SORCS3: variants seen among roughly 807,000 people sequenced by gnomAD.
SORCS3 encodes the protein sortilin related VPS10 domain containing receptor 3, also known as VPS10 domain-containing receptor SorCS3.
SORCS3 carries 57 observed loss-of-function variants against 146.3 expected under a neutral mutation model. The observed-to-expected ratio is 0.39, with a 90% CI of 0.31 to 0.49. The LOEUF (loss-of-function observed/expected upper bound fraction) is 0.49, where lower values mean the gene tolerates loss of function less well. Ranked by LOEUF, SORCS3 falls within the 20% of genes least tolerant of loss-of-function variation. The probability of loss-of-function intolerance (pLI) is 0.92; values close to 1 mark genes in which losing one functional copy is unlikely to be tolerated. For missense variants in SORCS3, 1,341 were observed against 1,575.5 expected, an observed-to-expected ratio of 0.85 and a Z score of 2.52; for synonymous variants, 653 against 618.5, an observed-to-expected ratio of 1.06 and a Z score of -0.83.
intron 4 of SORCS3, among the ~76,000 whole-genome samples, chr10:104,989,107 G>T (rs145101911): frequency 1.3e-5 from 2 of 152,336 alleles, no homozygotes; most frequent in Non-Finnish European, 2.9e-5. Context: ...TGAAGTATTT[G>T]TATTGCTGCG....
chr10:105,223,939 G>A (rs957134982), intron 20 of SORCS3, among the ~76,000 whole-genome samples: 16 of 152,160 alleles, frequency 1.1e-4, no homozygotes, highest in African/African-American at 3.6e-4. Flanking sequence ...TCATTTTTGA[G>A]GAGTTGTAAG....
chr10:104,985,018 G>A (rs1435635878), intron 4 of SORCS3, among the ~76,000 whole-genome samples: 4 of 152,144 alleles, frequency 2.6e-5, no homozygotes, highest in African/African-American at 9.7e-5. Context: ...TGGGGTGGCT[G>A]TGGTGATTTC....
chr10:105,005,769 T>A (rs933418882), intron 4 of SORCS3, among the ~76,000 whole-genome samples: 1 of 152,134 alleles, frequency 6.6e-6, no homozygotes, highest in African/African-American at 2.4e-5. Context: ...TACCACTTAT[T>A]TGTCCTAATT....
At chr10:104,837,896 A>T (rs1460714913) in intron 1 of SORCS3, among the ~76,000 whole-genome samples, 1 of 152,190 alleles carries the variant, frequency 6.6e-6, no homozygotes, top group African/African-American at 2.4e-5. Flanking sequence ...ATCACGTTAG[A>T]GCAGAACAAG....
At chr10:105,219,188 A>T (rs750295617) in intron 19 of SORCS3, among the ~76,000 whole-genome samples, 1 of 152,180 alleles carries the variant, frequency 6.6e-6, no homozygotes, top group Non-Finnish European at 1.5e-5. Flanking sequence ...ACTATGATTC[A>T]TTACAGCGAA....
In SORCS3 at chr10:105,187,923, A is replaced by G. The variant is rs531535643; in HGVS notation, c.2009+9750A>G. 3.3e-5 allele frequency among the ~76,000 whole-genome samples: 5 copies of G among 152,258 alleles called. No individual in the cohort carries two copies. In the East Asian group the frequency reaches 9.6e-4, roughly 29 times the overall value. ...GAAAGATCAATTTTGAAGGAGGTTT[A>G]TTTCAGCTCTGACATTCATGGAATC... On this transcript the variant is annotated intron_variant, in intron 14 of 26. Transcript: ENST00000369701.
At chr10:104,757,708 C>T (rs1442110117) in intron 1 of SORCS3, among the ~76,000 whole-genome samples, 1 of 151,874 alleles carries the variant, frequency 6.6e-6, no homozygotes, top group African/African-American at 2.4e-5. Flanking sequence ...TCATTTTTTT[C>T]TCCTTTTCTT....
At chr10:104,697,253 G>A (rs1228574931) in intron 1 of SORCS3, among the ~76,000 whole-genome samples, 1 of 152,110 alleles carries the variant, frequency 6.6e-6, no homozygotes, top group Non-Finnish European at 1.5e-5. Flanking sequence ...TCACACATCC[G>A]TGATACCATT....
At chr10:104,951,082 T>A (rs2019424166) in intron 3 of SORCS3, among the ~76,000 whole-genome samples, 1 of 152,220 alleles carries the variant, frequency 6.6e-6, no homozygotes, top group Non-Finnish European at 1.5e-5. Flanking sequence ...TTTCTGGTTA[T>A]TTTTACTATT....
intron 7 of SORCS3, among the ~76,000 whole-genome samples, chr10:105,106,068 C>T (rs952966861): frequency 6.6e-6 from 1 of 152,084 alleles, no homozygotes; most frequent in East Asian, 1.9e-4. Context: ...TTTACATTTT[C>T]GGTCTTCTTA....
At chr10:104,959,356 A>G (rs757578706) in intron 3 of SORCS3, among the ~76,000 whole-genome samples, 6 of 152,176 alleles carry the variant, frequency 3.9e-5, no homozygotes, top group Non-Finnish European at 8.8e-5. Flanking sequence ...TGTCATGGGA[A>G]GAGCCCTCAT....
chr10:104,937,577 A>C (rs1345635531), intron 3 of SORCS3, among the ~76,000 whole-genome samples: 1 of 152,228 alleles, frequency 6.6e-6, no homozygotes, highest in Non-Finnish European at 1.5e-5. Flanking sequence ...GCAAAACAAC[A>C]TTAAATATCT....
chr10:105,257,552 A>G (rs1049329153), intron 25 of SORCS3, among the ~76,000 whole-genome samples: 5 of 152,228 alleles, frequency 3.3e-5, no homozygotes, highest in African/African-American at 7.2e-5. Context: ...ATTGAAATCA[A>G]TAATTTTGTA....
intron 7 of SORCS3, among the ~76,000 whole-genome samples, chr10:105,139,050 A>G (rs2056077126): frequency 6.6e-6 from 1 of 152,258 alleles, no homozygotes; most frequent in African/African-American, 2.4e-5. Flanking sequence ...AAAAGAATAA[A>G]TAGATCATGG....
chr10:104,735,343 C>G (rs1462322963), intron 1 of SORCS3, among the ~76,000 whole-genome samples: 2 of 152,188 alleles, frequency 1.3e-5, no homozygotes, highest in East Asian at 3.9e-4. Flanking sequence ...AGAGCTGCCC[C>G]CAAATGCAGC....
At chr10:105,255,590 T>C in intron 23 of SORCS3, 112 bp from the exon 24 acceptor site, 2 of 693,538 alleles carry the variant, frequency 2.9e-6, no homozygotes, top group Non-Finnish European at 5.1e-6. Flanking sequence ...ATCTTATCCC[T>C]AATTGAACCA....
intron 5 of SORCS3, 57 bp downstream of exon 5, chr10:105,043,185 G>A (rs1346567964): frequency 6.8e-7 from 1 of 1,474,628 alleles, no homozygotes; most frequent in East Asian, 2.3e-5. Flanking sequence ...AAACAGCGTA[G>A]CACTCTAGAC....
At chr10:104,868,892 G>A (rs542089606) in intron 2 of SORCS3, among the ~76,000 whole-genome samples, 4 of 152,240 alleles carry the variant, frequency 2.6e-5, no homozygotes, top group Non-Finnish European at 5.9e-5. Context: ...TGTTGATTAG[G>A]TGTATCCAAT....
intron 4 of SORCS3, among the ~76,000 whole-genome samples, chr10:105,012,554 G>A (rs2055141755): frequency 6.6e-6 from 1 of 152,102 alleles, no homozygotes; most frequent in Non-Finnish European, 1.5e-5. Context: ...GACTCCTCTA[G>A]TCATTCCCCC....
Sources: allele counts gnomAD v4.1 joint callset (sites outside exome capture counted in the v4.1 genomes callset), GRCh38; gene constraint gnomAD v4.1.1; transcripts MANE v1.5; gene names NCBI Gene and HGNC (gene_info 2026-07-23, HGNC 2026-07-21).